Variants in TLN2 observed in about 807,000 individuals in gnomAD.
TLN2 encodes the protein talin 2.
In TLN2, 118 loss-of-function variants were observed where a neutral mutation model predicts 294.7. The ratio of observed to expected loss-of-function variants is 0.40; its 90% CI spans 0.34 to 0.47. The LOEUF (loss-of-function observed/expected upper bound fraction) is 0.47, where lower values mean the gene tolerates loss of function less well. TLN2 is among the 20% of genes least tolerant of loss of function. The pLI, the probability that TLN2 is intolerant of heterozygous loss-of-function variation, is 0.84. For missense variants in TLN2, 3,083 were observed against 3,282.2 expected, an observed-to-expected ratio of 0.94 and a Z score of 1.48; for synonymous variants, 1,431 against 1,304.5, an observed-to-expected ratio of 1.10 and a Z score of -2.09.
chr15:62,789,496 G>A (rs542222067), intron 45 of TLN2, among the ~76,000 whole-genome samples: 2 of 152,262 alleles, frequency 1.3e-5, no homozygotes, highest in South Asian at 4.2e-4. Flanking sequence ...CAGGGCACTG[G>A]GGTATGTTTT....
Position 62,713,939 on chromosome 15 carries a change from GTGTA to G in TLN2, c.2634+1872_2634+1875del, listed in dbSNP as rs2059600470. Among the ~76,000 whole-genome samples the G allele has an allele frequency of 2.2e-5, 3 of 138,756 alleles. No individual in the cohort carries two copies. The South Asian group carries it at 6.8e-4, about 32-fold the overall frequency. 91.0% of individuals were successfully genotyped at this position (138,756 alleles called of 152,430 possible). On this transcript the variant is annotated intron_variant, in intron 22 of 58. Transcript: ENST00000636159. ...ATGCTGTGTGTGTGTATGTGTGTGT[GTGTA>G]TGTATGTATTGGGTTTTATGTAGTA...
intron 1 of TLN2, among the ~76,000 whole-genome samples, chr15:62,406,183 A>C (rs908474147): frequency 1.3e-5 from 2 of 152,208 alleles, no homozygotes; most frequent in Non-Finnish European, 2.9e-5. Context: ...TTACTGTGTC[A>C]GTTCTGGAAG....
intron 2 of TLN2, among the ~76,000 whole-genome samples, chr15:62,601,356 A>G (rs1274853062): frequency 1.3e-5 from 2 of 152,164 alleles, no homozygotes; most frequent in Non-Finnish European, 2.9e-5. Context: ...TTTTTGTTCT[A>G]CAGTCTGGAT....
chr15:62,400,974 C>G (rs1174316111), intron 1 of TLN2, among the ~76,000 whole-genome samples: 1 of 152,030 alleles, frequency 6.6e-6, no homozygotes, highest in East Asian at 1.9e-4. Flanking sequence ...TACCACCATG[C>G]TTGGCTAATT....
intron 1 of TLN2, among the ~76,000 whole-genome samples, chr15:62,421,788 A>G (rs1224203359): frequency 2.6e-5 from 4 of 152,156 alleles, no homozygotes; most frequent in African/African-American, 7.2e-5. Flanking sequence ...CTGTATAACA[A>G]ATTTGCACAT....
intron 1 of TLN2, among the ~76,000 whole-genome samples, chr15:62,535,289 C>G (rs1466858587): frequency 6.6e-6 from 1 of 152,122 alleles, no homozygotes; most frequent in Non-Finnish European, 1.5e-5. Flanking sequence ...CCCAGCACTC[C>G]CAGATTCTGA....
At chr15:62,804,999 A>G (rs1470101438) in intron 50 of TLN2, among the ~76,000 whole-genome samples, 1 of 152,190 alleles carries the variant, frequency 6.6e-6, no homozygotes, top group East Asian at 1.9e-4. Context: ...CAGCCTCTCT[A>G]AAGGGGGTGG....
At chr15:62,614,892 G>A (rs914825152) in intron 2 of TLN2, among the ~76,000 whole-genome samples, 7 of 152,012 alleles carry the variant, frequency 4.6e-5, no homozygotes, top group African/African-American at 1.5e-4. Context: ...TGCAACCCCC[G>A]CCTCCCAGGT....
intron 1 of TLN2, among the ~76,000 whole-genome samples, chr15:62,588,208 A>G (rs1004682242): frequency 6.6e-6 from 1 of 152,124 alleles, no homozygotes; most frequent in East Asian, 1.9e-4. Context: ...TTGTTAGTAT[A>G]GTTGCTATCT....
chr15:62,735,897 G>A (rs2060983579), intron 28 of TLN2, among the ~76,000 whole-genome samples: 1 of 152,140 alleles, frequency 6.6e-6, no homozygotes, highest in Non-Finnish European at 1.5e-5. Flanking sequence ...ATACTATATA[G>A]CAAGAAAAAA....
intron 9 of TLN2, among the ~76,000 whole-genome samples, chr15:62,664,514 T>C (rs1412475704): frequency 6.6e-6 from 1 of 151,978 alleles, no homozygotes; most frequent in East Asian, 1.9e-4. Context: ...TTATTCTTTA[T>C]AGACACAAGG....
intron 10 of TLN2, among the ~76,000 whole-genome samples, chr15:62,674,950 A>C (rs2055988154): frequency 1.3e-5 from 2 of 152,164 alleles, no homozygotes; most frequent in Admixed American, 1.3e-4. Flanking sequence ...ACCACACTGC[A>C]TGTGTGCATG....
At chr15:62,598,891 C>T (rs2046769740) in intron 2 of TLN2, among the ~76,000 whole-genome samples, 1 of 152,052 alleles carries the variant, frequency 6.6e-6, no homozygotes, top group South Asian at 2.1e-4. Context: ...GACCCGTGCA[C>T]AGTGTTGGTG....
chr15:62,817,313 TAATTA>T (rs2067191429), intron 52 of TLN2, among the ~76,000 whole-genome samples: 1 of 152,228 alleles, frequency 6.6e-6, no homozygotes, highest in Non-Finnish European at 1.5e-5. Flanking sequence ...TTTCACTCAT[TAATTA>T]ATTTGTTCAT....
chr15:62,762,348 C>A lies in TLN2; in HGVS notation c.4856C>A (p.Ala1619Glu). 6.2e-7 allele frequency: 1 copy of A among 1,614,218 alleles called. No individual in the cohort carries two copies. The highest frequency in any genetic ancestry group is 8.5e-7 in the Non-Finnish European group (1 of 1,180,050). ...AGTTCATCGTACCTCATTCGCACTG[C>A]ACGCTCTCTGGCCATCAACCCCAAA... is the stretch of plus-strand genomic sequence containing the variant. Reference protein sequence around the residue: ...LESSSYLIRTARSLAINPKDP... With the variant: ...LESSSYLIRTERSLAINPKDP... The change falls in exon 39 of 59, where the codon GCA (alanine) becomes GAA (glutamate). Residue 1619 changes from alanine (A) to glutamate (E), a missense_variant. By Grantham distance (107) the Ala-to-Glu change is moderately radical. Coordinates refer to ENST00000636159, the MANE Select transcript of TLN2 (RefSeq NM_015059.3).
At chr15:62,669,528 G>A (rs1474368140) in intron 9 of TLN2, among the ~76,000 whole-genome samples, 1 of 152,156 alleles carries the variant, frequency 6.6e-6, no homozygotes, top group Non-Finnish European at 1.5e-5. Context: ...AGTTCTCAAT[G>A]CACAGTTTGT....
At chr15:62,804,870 G>A (rs192987655) in intron 50 of TLN2, among the ~76,000 whole-genome samples, 285 of 152,264 alleles carry the variant, frequency 1.9e-3, no homozygotes, top group African/African-American at 6.4e-3. Context: ...AGGGGCCCTC[G>A]TGTAGGGACA....
chr15:62,773,088 G>T (rs1431269434), intron 42 of TLN2, among the ~76,000 whole-genome samples: 1 of 95,790 alleles, frequency 1.0e-5, no homozygotes, highest in Admixed American at 1.4e-4. Context: ...AGCAGAGTCT[G>T]TTACCAGAAA....
At position 62,840,789 on chromosome 15, in the gene TLN2, G is replaced by C. The variant is rs2141274234; in HGVS notation, c.*179G>C. 1 of 826,690 alleles carries C rather than the reference G, an allele frequency of 1.2e-6. No homozygotes were observed. The highest frequency in any genetic ancestry group is 2.7e-5 in the East Asian group (1 of 36,540). The allele number at this position is 826,690 out of a possible 1,614,324, so 51.2% of individuals were successfully genotyped here. ...TCGGCACTGGCTGCATGATCGTGAT[G>C]TCACACGGTACAATGTCCTACCCAC... is the stretch of plus-strand genomic sequence containing the variant. On this transcript the variant is annotated 3_prime_UTR_variant, in exon 59 of 59. Coordinates refer to ENST00000636159, the MANE Select transcript of TLN2 (RefSeq NM_015059.3).
Sources: allele counts gnomAD v4.1 joint callset (sites outside exome capture counted in the v4.1 genomes callset), GRCh38; gene constraint gnomAD v4.1.1; transcripts MANE v1.5; gene names NCBI Gene and HGNC (gene_info 2026-07-23, HGNC 2026-07-21).